RBFOX1: variants seen among roughly 807,000 people sequenced by gnomAD.
RBFOX1 encodes the protein RNA binding fox-1 homolog 1.
A neutral mutation model predicts 57.7 loss-of-function variants in RBFOX1; 8 were observed. That is an observed-to-expected ratio of 0.14 (90% confidence interval 0.08 to 0.25). The LOEUF is 0.25. RBFOX1 is among the 10% of genes least tolerant of loss of function. The pLI, the probability that RBFOX1 is intolerant of heterozygous loss-of-function variation, is 1.00. For synonymous variants in RBFOX1, 326 were observed against 222.4 expected, an observed-to-expected ratio of 1.47 and a Z score of -4.15; for missense variants, 611 against 548.5, an observed-to-expected ratio of 1.11 and a Z score of -1.14.
chr16:7,649,619 G>C (rs963295970), intron 11 of RBFOX1, among the ~76,000 whole-genome samples: 1 of 152,144 alleles, frequency 6.6e-6, no homozygotes, highest in African/African-American at 2.4e-5. Context: ...ATAGAAGGTG[G>C]ACAGTGAAGA....
At chr16:5,714,380 A>G (rs2051609323) in intron 3 of RBFOX1, among the ~76,000 whole-genome samples, 1 of 152,276 alleles carries the variant, frequency 6.6e-6, no homozygotes, top group South Asian at 2.1e-4. Context: ...ACTTCCCCAT[A>G]CCAATGACTG....
chr16:6,196,847 C>G (rs2097183130), intron 1 of RBFOX1, among the ~76,000 whole-genome samples: 1 of 151,402 alleles, frequency 6.6e-6, no homozygotes, highest in South Asian at 2.1e-4. Context: ...ATTTCCTACT[C>G]CGTCCTGTCT....
intron 10 of RBFOX1, among the ~76,000 whole-genome samples, chr16:7,625,184 T>G (rs1462181534): frequency 1.3e-5 from 2 of 152,072 alleles, no homozygotes; most frequent in African/African-American, 4.8e-5. Context: ...GCCATGATGT[T>G]CTGAACACAT....
At chr16:7,116,712 A>T (rs945711897) in intron 4 of RBFOX1, among the ~76,000 whole-genome samples, 5 of 152,186 alleles carry the variant, frequency 3.3e-5, no homozygotes, top group African/African-American at 1.2e-4. Flanking sequence ...CTGTTAAGGT[A>T]CGTGGAGACA....
intron 1 of RBFOX1, among the ~76,000 whole-genome samples, chr16:6,047,567 G>A (rs2095508233): frequency 6.6e-6 from 1 of 152,186 alleles, no homozygotes; most frequent in Non-Finnish European, 1.5e-5. Context: ...AGCAGGGAAT[G>A]GACAACAATA....
intron 1 of RBFOX1, among the ~76,000 whole-genome samples, chr16:5,454,854 TTTTCTTTCTTTC>T (rs200680272): frequency 0.11 from 7,484 of 67,236 alleles, 571 homozygotes; most frequent in East Asian, 0.17. Flanking sequence ...TCTTTCTTTC[TTTTCTTTCTTTC>T]TTTCTTTCTT....
intron 3 of RBFOX1, among the ~76,000 whole-genome samples, chr16:5,776,822 C>G (rs780737613): frequency 1.3e-5 from 2 of 152,164 alleles, no homozygotes; most frequent in African/African-American, 4.8e-5. Flanking sequence ...CAGCCCTGTC[C>G]AGGAGATTTT....
At chr16:7,263,315 C>G (rs2094995252) in intron 4 of RBFOX1, among the ~76,000 whole-genome samples, 1 of 152,066 alleles carries the variant, frequency 6.6e-6, no homozygotes, top group African/African-American at 2.4e-5. Context: ...TTTGGCCCTT[C>G]AGGTAGACAT....
At chr16:6,421,751 C>A (rs1200920623) in intron 2 of RBFOX1, among the ~76,000 whole-genome samples, 1 of 152,052 alleles carries the variant, frequency 6.6e-6, no homozygotes, top group African/African-American at 2.4e-5. Flanking sequence ...TGTATCTTTT[C>A]AATACGCAGG....
intron 2 of RBFOX1, among the ~76,000 whole-genome samples, chr16:6,515,208 T>A (rs549408405): frequency 6.6e-6 from 1 of 152,326 alleles, no homozygotes; most frequent in East Asian, 1.9e-4. Flanking sequence ...AGATCAGTGA[T>A]TTCATTATTT....
At chr16:7,237,021 G>C (rs534538737) in intron 4 of RBFOX1, among the ~76,000 whole-genome samples, 164 of 152,298 alleles carry the variant, frequency 1.1e-3, no homozygotes, top group African/African-American at 3.6e-3. Context: ...AGAAGGGAGA[G>C]GTTATTGCAT....
chr16:6,759,606 G>C (rs1024342694), intron 3 of RBFOX1, among the ~76,000 whole-genome samples: 3 of 151,894 alleles, frequency 2.0e-5, no homozygotes, highest in African/African-American at 7.3e-5. Context: ...CTGTGGCAGA[G>C]CCTTTTGTTC....
At chr16:5,941,737 A>G (rs2053911597) in intron 4 of RBFOX1, among the ~76,000 whole-genome samples, 1 of 152,026 alleles carries the variant, frequency 6.6e-6, no homozygotes, top group African/African-American at 2.4e-5. Flanking sequence ...ACAGAGGTTG[A>G]AACTGAAGTT....
At position 5,255,309 on chromosome 16, in the gene RBFOX1, C is replaced by T. The variant is rs1451581066; in HGVS notation, c.219+15204C>T. On this transcript the variant is annotated intron_variant, in intron 1 of 2. Coordinates refer to the RBFOX1 transcript ENST00000585867. ...CCACCTGCTCATCTGTCCGCCTATC[C>T]GTCCACACTTCCTTCCATCCATCCA... Among the ~76,000 whole-genome samples the T allele has an allele frequency of 1.1e-4, 17 of 150,862 alleles. 1 individual carries two copies. The highest frequency in any genetic ancestry group is 6.8e-3 in the Middle Eastern group (2 of 294).
intron 3 of RBFOX1, among the ~76,000 whole-genome samples, chr16:6,833,777 C>A (rs78935587): frequency 6.6e-6 from 1 of 152,064 alleles, no homozygotes; most frequent in South Asian, 2.1e-4. Context: ...CATTGAAGGT[C>A]TCTGTGAAGG....
chr16:6,582,327 T>A (rs1369811467), intron 2 of RBFOX1, among the ~76,000 whole-genome samples: 6 of 152,196 alleles, frequency 3.9e-5, no homozygotes, highest in Admixed American at 3.9e-4. Flanking sequence ...AATGTACAAC[T>A]TATTTTCCAA....
chr16:6,565,988 A>G (rs2097260262), intron 2 of RBFOX1, among the ~76,000 whole-genome samples: 1 of 151,932 alleles, frequency 6.6e-6, no homozygotes, highest in South Asian at 2.1e-4. Flanking sequence ...TGGGAGTGCT[A>G]CTCTATTTGT....
At chr16:6,902,467 A>G (rs1008423597) in intron 3 of RBFOX1, among the ~76,000 whole-genome samples, 4 of 152,166 alleles carry the variant, frequency 2.6e-5, no homozygotes, top group African/African-American at 9.7e-5. Context: ...CATGCTTGTA[A>G]TCCTAGCACT....
At chr16:6,788,517 C>T (rs2082348899) in intron 3 of RBFOX1, among the ~76,000 whole-genome samples, 2 of 151,550 alleles carry the variant, frequency 1.3e-5, no homozygotes, top group Non-Finnish European at 2.9e-5. Context: ...GCTCTGTCGC[C>T]CACGCTGGAG....
Sources: gnomAD v4.1 joint callset for allele counts (sites outside exome capture counted in the v4.1 genomes callset) on GRCh38, gnomAD v4.1.1 for gene constraint, MANE v1.5 for transcripts, NCBI Gene and HGNC (gene_info 2026-07-23, HGNC 2026-07-21) for gene names.